The following SLC30A8 variants were observed in gnomAD, a reference collection of about 807,000 sequenced individuals.
The protein encoded by SLC30A8 is proton-coupled zinc antiporter SLC30A8.
In SLC30A8, 27 loss-of-function variants were observed where a neutral mutation model predicts 36.9. That is an observed-to-expected ratio of 0.73 (90% CI 0.54 to 1.01). The LOEUF (loss-of-function observed/expected upper bound fraction) is 1.01. Among genes scored for constraint, SLC30A8 ranks in the 50% least tolerant of loss-of-function variants. The pLI is 0.00. For missense variants in SLC30A8, 439 were observed against 452.0 expected, an observed-to-expected ratio of 0.97 and a Z score of 0.26; for synonymous variants, 164 against 172.4, an observed-to-expected ratio of 0.95 and a Z score of 0.38.
At chr8:116,977,141 CT>C (rs71305451) in intron 1 of SLC30A8, among the ~76,000 whole-genome samples, 262 of 59,094 alleles carry the variant, frequency 4.4e-3, no homozygotes, top group African/African-American at 0.018. Context: ...CTTTTTCTTG[CT>C]TTTTTTTTTT....
At chr8:117,097,950 TTAAA>T (rs1194456061) in intron 2 of SLC30A8, among the ~76,000 whole-genome samples, 7 of 113,322 alleles carry the variant, frequency 6.2e-5, no homozygotes, top group Non-Finnish European at 1.2e-4. Flanking sequence ...ATATATAATT[TTAAA>T]TAAATATATT....
chr8:116,996,315 C>A (rs1053003925), intron 1 of SLC30A8, among the ~76,000 whole-genome samples: 2 of 152,138 alleles, frequency 1.3e-5, no homozygotes, highest in Non-Finnish European at 2.9e-5. Flanking sequence ...GGCTTTCAGT[C>A]AGGAGCACTT....
rs1289226854 is a variant in SLC30A8 at position 117,176,248 on chromosome 8, A to G, written c.*3567A>G. 6.6e-6 allele frequency: 1 copy of G among 152,420 alleles called. No individual in the cohort carries two copies. The highest frequency in any genetic ancestry group is 2.4e-5 in the African/African-American group (1 of 41,412). 9.4% of individuals were successfully genotyped at this position (152,420 alleles called of 1,614,324 possible). On this transcript the variant is annotated 3_prime_UTR_variant, in exon 8 of 8. Coordinates refer to ENST00000456015, the MANE Select transcript of SLC30A8 (RefSeq NM_173851.3). ...AGAAAAACACCTCCCAGGCATATAC[A>G]TTTTATAGATTCCTGGAGAATGTTG...
intron 2 of SLC30A8, among the ~76,000 whole-genome samples, chr8:117,093,448 C>T (rs1819222508): frequency 6.6e-6 from 1 of 151,894 alleles, no homozygotes; most frequent in Admixed American, 6.5e-5. Flanking sequence ...TATTTCTCTC[C>T]CATTGCCCCT....
rs372179266 is a variant in SLC30A8 at position 117,128,901 on chromosome 8, A to G, written c.-225-6379A>G. Among the ~76,000 whole-genome samples, 15 of 152,192 alleles carry G rather than the reference A, an allele frequency of 9.9e-5. No homozygotes were observed. In the East Asian group the frequency reaches 1.7e-3, roughly 18 times the overall value. ...AAGAAGCAAACATATTCAGTGACAC[A>G]CTGAAAATCAGTGAGAGGGAAAGAA... On this transcript the variant is annotated intron_variant, in intron 2 of 10. Transcript: ENST00000427715.
At chr8:116,962,462 A>G (rs1434366003) in intron 1 of SLC30A8, among the ~76,000 whole-genome samples, 1 of 151,988 alleles carries the variant, frequency 6.6e-6, no homozygotes, top group African/African-American at 2.4e-5. Flanking sequence ...ACATTATCCC[A>G]TCATAGCTTT....
rs535468368 is a variant in SLC30A8, at chr8:117,173,303, CTTG to C, written c.*625_*627del. ...AATCCCTCTTATTTCTAAATTCTAA[CTTG>C]TTTATTTCAAAACTTTATATAATCA... On this transcript the variant is annotated 3_prime_UTR_variant, in exon 8 of 8. Transcript: ENST00000456015. The C allele has an allele frequency of 1.3e-5, 2 of 152,256 alleles. No homozygotes were observed. Among genetic ancestry groups the C allele is most frequent in the Non-Finnish European group, 2.9e-5 (2 of 68,046 alleles). 9.4% of individuals were successfully genotyped at this position (152,256 alleles called of 1,614,324 possible). A position where few individuals can be genotyped will look rare whatever the true frequency, so the allele number is the denominator to read the frequency against.
At chr8:117,171,249 C>T in intron 7 of SLC30A8, 81 bp downstream of exon 7, 3 of 1,448,200 alleles carry the variant, frequency 2.1e-6, no homozygotes, top group South Asian at 1.1e-5. Flanking sequence ...TTTTGTAGAG[C>T]TGCCCTTATT....
At chr8:117,128,298 A>G (rs1028613426) in intron 2 of SLC30A8, among the ~76,000 whole-genome samples, 1 of 152,104 alleles carries the variant, frequency 6.6e-6, no homozygotes, top group South Asian at 2.1e-4. Context: ...TCCAGGAGGC[A>G]GAGGACTAGG....
chr8:117,088,711 G>T (rs1387028878), intron 2 of SLC30A8, among the ~76,000 whole-genome samples: 1 of 152,186 alleles, frequency 6.6e-6, no homozygotes, highest in Admixed American at 6.5e-5. Flanking sequence ...AACACCTTTA[G>T]GTAATACACA....
intron 1 of SLC30A8, among the ~76,000 whole-genome samples, chr8:117,011,633 G>A (rs1329826848): frequency 2.0e-5 from 3 of 152,134 alleles, no homozygotes; most frequent in African/African-American, 7.2e-5. Context: ...CTATCCTTGG[G>A]CACTGCCAAA....
chr8:116,977,047 G>T (rs1436623626), intron 1 of SLC30A8, among the ~76,000 whole-genome samples: 1 of 150,508 alleles, frequency 6.6e-6, no homozygotes, highest in East Asian at 1.9e-4. Flanking sequence ...TTGATCTCTT[G>T]ACCTTGTGAT....
Position 116,965,185 on chromosome 8 carries a change from G to A in SLC30A8, c.-266+14066G>A, listed in dbSNP as rs1373760792. On this transcript the variant is annotated intron_variant, in intron 1 of 10. Coordinates refer to the SLC30A8 transcript ENST00000427715. ...ACTCCTGACCTGAGATGATCCACCCGCCTTGGCCTCCCAAAGTGCTGGGAT... is the reference window on the plus strand; with the variant it reads ...ACTCCTGACCTGAGATGATCCACCCACCTTGGCCTCCCAAAGTGCTGGGAT... Among the ~76,000 whole-genome samples the A allele has an allele frequency of 7.2e-5, 11 of 152,126 alleles. 1 individual carries two copies. Among genetic ancestry groups the A allele is most frequent in the South Asian group, 4.1e-4 (2 of 4,822 alleles).
At chr8:117,158,443 A>T (rs1822613732) in intron 4 of SLC30A8, among the ~76,000 whole-genome samples, 1 of 152,246 alleles carries the variant, frequency 6.6e-6, no homozygotes, top group Non-Finnish European at 1.5e-5. Context: ...ATATATTTTA[A>T]TAGAACTCAT....
At chr8:117,139,394 AG>A (rs1380456348) in intron 1 of SLC30A8, among the ~76,000 whole-genome samples, 2 of 152,104 alleles carry the variant, frequency 1.3e-5, no homozygotes, top group Non-Finnish European at 2.9e-5. Flanking sequence ...AGACCACGCG[AG>A]GAAGTAACGA....
intron 2 of SLC30A8, among the ~76,000 whole-genome samples, chr8:117,054,098 C>CTTTTTTTTTTTTT (rs4060800): frequency 3.2e-5 from 4 of 124,152 alleles, no homozygotes; most frequent in Admixed American, 8.4e-5. Context: ...CTGCAAAAAT[C>CTTTTTTTTTTTTT]TTTTTTTTTT....
At chr8:116,994,063 GA>G (rs1445841831) in intron 1 of SLC30A8, among the ~76,000 whole-genome samples, 12 of 151,020 alleles carry the variant, frequency 7.9e-5, no homozygotes, top group East Asian at 7.8e-4. Flanking sequence ...AAAAAAGAAA[GA>G]AAAAAAGCAC....
intron 1 of SLC30A8, among the ~76,000 whole-genome samples, chr8:116,957,040 T>C (rs1443547912): frequency 6.6e-6 from 1 of 152,152 alleles, no homozygotes; most frequent in Non-Finnish European, 1.5e-5. Context: ...ATACTACAGA[T>C]TATCATCTGT....
chr8:117,083,355 T>C (rs958998015), intron 2 of SLC30A8, among the ~76,000 whole-genome samples: 18 of 152,190 alleles, frequency 1.2e-4, no homozygotes, highest in African/African-American at 4.3e-4. Flanking sequence ...GGAGAGCCAC[T>C]TTACTCAAGG....
Sources: gnomAD v4.1 joint callset for allele counts (sites outside exome capture counted in the v4.1 genomes callset) on GRCh38, gnomAD v4.1.1 for gene constraint, MANE v1.5 for transcripts, NCBI Gene and HGNC (gene_info 2026-07-23, HGNC 2026-07-21) for gene names.